SULT4A1: variants seen among roughly 807,000 people sequenced by gnomAD.
The protein encoded by SULT4A1 is sulfotransferase family 4A member 1, also known as sulfotransferase 4A1.
SULT4A1 carries 11 observed loss-of-function variants against 35.2 expected under a neutral mutation model. The ratio of observed to expected loss-of-function variants is 0.31; its 90% confidence interval spans 0.20 to 0.52. The LOEUF (loss-of-function observed/expected upper bound fraction) is 0.52. SULT4A1 is among the 20% of genes least tolerant of loss of function. SULT4A1 has a pLI of 0.97. For missense variants in SULT4A1, 271 were observed against 383.7 expected, an observed-to-expected ratio of 0.71 and a Z score of 2.45; for synonymous variants, 152 against 151.8, an observed-to-expected ratio of 1.00 and a Z score of -0.01.
chr22:43,826,413 ACT>A (rs2063287313), intron 6 of SULT4A1: 4 of 985,024 alleles, frequency 4.1e-6, no homozygotes, highest in Non-Finnish European at 4.8e-6. Flanking sequence ...CACCAGGGAG[ACT>A]CTACTCCTGT....
intron 2 of SULT4A1, among the ~76,000 whole-genome samples, chr22:43,840,632 C>T (rs907955709): frequency 6.6e-6 from 1 of 152,172 alleles, no homozygotes; most frequent in African/African-American, 2.4e-5. Context: ...GCCAGGCTGG[C>T]GCTGGACCGC....
intron 6 of SULT4A1, among the ~76,000 whole-genome samples, chr22:43,828,653 G>C (rs1441423593): frequency 2.6e-5 from 4 of 152,220 alleles, no homozygotes; most frequent in Non-Finnish European, 1.5e-5. Flanking sequence ...CCACAAGTCA[G>C]TTAGAGACTG....
chr22:43,835,944 C>A (rs1184021910), intron 4 of SULT4A1, among the ~76,000 whole-genome samples: 2 of 152,234 alleles, frequency 1.3e-5, no homozygotes, highest in African/African-American at 2.4e-5. Context: ...GCCTTCCCAC[C>A]GGAATGCCTG....
At chr22:43,833,233 C>T (rs1368662887) in intron 5 of SULT4A1, among the ~76,000 whole-genome samples, 1 of 152,156 alleles carries the variant, frequency 6.6e-6, no homozygotes, top group Non-Finnish European at 1.5e-5. Context: ...TCTCCCAACA[C>T]CTAGAAAATG....
At chr22:43,849,206 TG>T (rs1001716582) in intron 1 of SULT4A1, among the ~76,000 whole-genome samples, 19 of 152,266 alleles carry the variant, frequency 1.2e-4, no homozygotes, top group Middle Eastern at 3.4e-3. Context: ...CAGAATGGCC[TG>T]GAAACCACTA....
intron 3 of SULT4A1, 112 bp downstream of exon 3, chr22:43,839,833 G>A: frequency 3.0e-6 from 3 of 1,004,036 alleles, no homozygotes; most frequent in Non-Finnish European, 4.6e-6. Context: ...TCCTTGGGAA[G>A]ACAGCCCCCA....
At chr22:43,827,208 C>G in intron 6 of SULT4A1, 1 of 985,430 alleles carries the variant, frequency 1.0e-6, no homozygotes, top group Non-Finnish European at 1.2e-6. Context: ...GAGATCAGAG[C>G]TCTGTCTCCA....
At chr22:43,860,724 CAG>C (rs1203420513) in intron 1 of SULT4A1, among the ~76,000 whole-genome samples, 2 of 152,196 alleles carry the variant, frequency 1.3e-5, no homozygotes, top group Non-Finnish European at 2.9e-5. Context: ...GGAGGGGCCT[CAG>C]AGAAGTGACA....
chr22:43,833,301 C>T (rs1275884483), intron 5 of SULT4A1, among the ~76,000 whole-genome samples: 1 of 152,162 alleles, frequency 6.6e-6, no homozygotes, highest in Non-Finnish European at 1.5e-5. Context: ...TCGTGTCTCA[C>T]TGCAGACAGT....
Position 43,862,423 on chromosome 22 carries a change from C to G in SULT4A1, c.-41G>C. The G allele has an allele frequency of 2.0e-6, 2 of 1,011,978 alleles. No individual in the cohort carries two copies. Among genetic ancestry groups the G allele is most frequent in the Non-Finnish European group, 2.3e-6 (2 of 851,784 alleles). The allele number at this position is 1,011,978 out of a possible 1,614,324, so 62.7% of individuals were successfully genotyped here. On this transcript the variant is annotated 5_prime_UTR_variant, in exon 1 of 7. Coordinates refer to ENST00000330884, the MANE Select transcript of SULT4A1 (RefSeq NM_014351.4). ...GTCGCCGCCGCCGCCTCCCGGCTCGCAGCCCGCACGCGCCCGCGCCCGCGC... is the reference window on the plus strand; with the variant it reads ...GTCGCCGCCGCCGCCTCCCGGCTCGGAGCCCGCACGCGCCCGCGCCCGCGC...
chr22:43,826,875 T>C, intron 6 of SULT4A1: 1 of 985,408 alleles, frequency 1.0e-6, no homozygotes, highest in East Asian at 1.1e-4. Context: ...CCAGGCTTAG[T>C]CAGAAACCCA....
At chr22:43,841,514 G>C (rs977942237) in intron 2 of SULT4A1, among the ~76,000 whole-genome samples, 3 of 152,108 alleles carry the variant, frequency 2.0e-5, no homozygotes, top group Non-Finnish European at 4.4e-5. Flanking sequence ...GGGAAAGCGA[G>C]GGGGAGGCCC....
At chr22:43,828,047 C>T (rs913614861) in intron 6 of SULT4A1, among the ~76,000 whole-genome samples, 1 of 152,272 alleles carries the variant, frequency 6.6e-6, no homozygotes, top group African/African-American at 2.4e-5. Context: ...AACAAAAAGC[C>T]GCAGAAGCTG....
chr22:43,842,196 C>A (rs2063437398), intron 1 of SULT4A1, among the ~76,000 whole-genome samples: 1 of 152,170 alleles, frequency 6.6e-6, no homozygotes, highest in Admixed American at 6.5e-5. Flanking sequence ...CAGAACCCAG[C>A]CCCTGTTATG....
intron 4 of SULT4A1, among the ~76,000 whole-genome samples, chr22:43,835,090 CCACCGCTGCCCTGAGCTTCCCGCAGCCA>C (rs1569503168): frequency 5.7e-5 from 5 of 87,962 alleles, no homozygotes; most frequent in South Asian, 7.0e-4. Context: ...TCCCGCGCCC[CCACCGCTGCCCTGAGCTTCCCGCAGCCA>C]CACCGCAGCC....
intron 5 of SULT4A1, among the ~76,000 whole-genome samples, chr22:43,832,894 A>G (rs2063334872): frequency 6.6e-6 from 1 of 151,598 alleles, no homozygotes; most frequent in Non-Finnish European, 1.5e-5. Context: ...TCCCCATCCC[A>G]GCTCCCACCC....
intron 6 of SULT4A1, chr22:43,827,511 C>A: frequency 7.5e-7 from 1 of 1,339,732 alleles, no homozygotes; most frequent in East Asian, 4.7e-5. Context: ...AGGAGTCACC[C>A]ACCTGGTTTA....
At chr22:43,855,884 C>A (rs1603410015) in intron 1 of SULT4A1, among the ~76,000 whole-genome samples, 1 of 152,190 alleles carries the variant, frequency 6.6e-6, no homozygotes, top group Non-Finnish European at 1.5e-5. Context: ...TGGCAGGAGG[C>A]AAGCACCAGC....
Position 43,841,996 on chromosome 22 carries a change from G to A in SULT4A1, c.170-64C>T, listed in dbSNP as rs1393611898. 14 of 1,561,440 alleles carry A rather than the reference G, an allele frequency of 9.0e-6. 1 individual carries two copies. The highest frequency in any genetic ancestry group is 3.5e-5 in the South Asian group (3 of 86,228). Reference sequence around the variant, plus strand: ...GGCCCACGCGCCCGGCCCTGTGCTCGGGTCAACACCTGCTGCCCAAGAAGG... The same window carrying A: ...GGCCCACGCGCCCGGCCCTGTGCTCAGGTCAACACCTGCTGCCCAAGAAGG... On this transcript the variant is annotated intron_variant, in intron 1 of 6. Coordinates refer to ENST00000330884, the MANE Select transcript of SULT4A1 (RefSeq NM_014351.4).
Sources: allele counts gnomAD v4.1 joint callset (sites outside exome capture counted in the v4.1 genomes callset), GRCh38; gene constraint gnomAD v4.1.1; transcripts MANE v1.5; gene names NCBI Gene and HGNC (gene_info 2026-07-23, HGNC 2026-07-21).